The following GLMN variants were observed in gnomAD, a reference collection of about 807,000 sequenced individuals.
GLMN encodes glomulin.
Under a neutral mutation model 87.8 loss-of-function variants are expected in GLMN, and 75 were observed. The ratio of observed to expected loss-of-function variants is 0.85; its 90% CI spans 0.71 to 1.04. The LOEUF (loss-of-function observed/expected upper bound fraction) is 1.04. GLMN is among the 50% of genes least tolerant of loss of function. The pLI, the probability that GLMN is intolerant of heterozygous loss-of-function variation, is 0.00. For missense variants in GLMN, 588 were observed against 658.8 expected, an observed-to-expected ratio of 0.89 and a Z score of 1.18; for synonymous variants, 206 against 221.6, an observed-to-expected ratio of 0.93 and a Z score of 0.63.
chr1:92,322,722 C>T, the GLMN span, among the ~76,000 whole-genome samples: 1 of 151,216 alleles, frequency 6.6e-6, no homozygotes, highest in African/African-American at 2.4e-5. Context: ...TAAAAAAATA[C>T]AAAAATTAGC....
the GLMN span, among the ~76,000 whole-genome samples, chr1:92,324,714 G>C: frequency 1.3e-5 from 2 of 152,132 alleles, no homozygotes; most frequent in South Asian, 2.1e-4. Flanking sequence ...TATTCTTTCA[G>C]ATTTTTACAT....
intron 16 of GLMN, among the ~76,000 whole-genome samples, chr1:92,256,883 T>C (rs1654344376): frequency 6.6e-6 from 1 of 151,308 alleles, no homozygotes. Context: ...CTATTCAACA[T>C]AGTATTGGAA....
chr1:92,287,565 T>C (rs1648918594), intron 6 of GLMN, among the ~76,000 whole-genome samples: 1 of 152,054 alleles, frequency 6.6e-6, no homozygotes. Context: ...GGTCTCAAAC[T>C]CCTGAGCTCA....
chr1:92,247,343 G>A (rs1652824273), intron 17 of GLMN, among the ~76,000 whole-genome samples, 199 bp from the exon 18 acceptor site: 3 of 152,092 alleles, frequency 2.0e-5, no homozygotes, highest in Admixed American at 2.0e-4. Flanking sequence ...GTAAATTAAT[G>A]CTTCTTTAGA....
At chr1:92,267,762 T>G in intron 11 of GLMN, 151 bp downstream of exon 11, 1 of 638,602 alleles carries the variant, frequency 1.6e-6, no homozygotes, top group East Asian at 2.7e-5. Flanking sequence ...GCTAGTGGCT[T>G]TCATATTGTC....
At chr1:92,296,828 A>G (rs1650126010) in intron 3 of GLMN, among the ~76,000 whole-genome samples, 1 of 152,216 alleles carries the variant, frequency 6.6e-6, no homozygotes, top group Non-Finnish European at 1.5e-5. Context: ...ATGCACATAA[A>G]ATACTGTTTT....
chr1:92,318,545 G>A, the GLMN span, among the ~76,000 whole-genome samples: 5 of 151,006 alleles, frequency 3.3e-5, no homozygotes, highest in African/African-American at 1.2e-4. Flanking sequence ...ACTTTGAATC[G>A]ACCACCAACC....
the GLMN span, among the ~76,000 whole-genome samples, chr1:92,351,519 G>T: frequency 7.9e-5 from 12 of 152,056 alleles, no homozygotes; most frequent in African/African-American, 2.9e-4. Flanking sequence ...ATTTTGAGAA[G>T]ATTTTCTAGC....
At chr1:92,281,722 C>A (rs1022337953) in intron 7 of GLMN, among the ~76,000 whole-genome samples, 1 of 151,894 alleles carries the variant, frequency 6.6e-6, no homozygotes, top group African/African-American at 2.4e-5. Flanking sequence ...ATTCAGGAGA[C>A]CCATCTCACA....
chr1:92,260,171 T>C (rs1471146411), intron 16 of GLMN, among the ~76,000 whole-genome samples: 2 of 152,232 alleles, frequency 1.3e-5, no homozygotes, highest in Non-Finnish European at 2.9e-5. Context: ...GTTTTCAAGA[T>C]AGACAGGCTT....
chr1:92,265,290 T>C (rs779384028), intron 13 of GLMN, among the ~76,000 whole-genome samples: 2 of 150,212 alleles, frequency 1.3e-5, no homozygotes, highest in Non-Finnish European at 2.9e-5. Flanking sequence ...TTATTTCCTG[T>C]GAAAGTAGTC....
the GLMN span, among the ~76,000 whole-genome samples, chr1:92,360,367 T>C: frequency 1.3e-5 from 2 of 152,214 alleles, no homozygotes; most frequent in Admixed American, 6.5e-5. Flanking sequence ...AAGGCTGCTA[T>C]AGTATTACAT....
chr1:92,365,367 A>G, the GLMN span, among the ~76,000 whole-genome samples: 1 of 149,840 alleles, frequency 6.7e-6, no homozygotes, highest in African/African-American at 2.5e-5. Context: ...AATACTGGCT[A>G]TACATTAGAA....
rs948098319 is a variant in GLMN, at chr1:92,266,451, C to G, written c.1182G>C (p.Lys394Asn). The stretch of plus-strand genomic sequence containing the variant: ...ATGTATATTTGCCTTGTGAATCCAA[C>G]TTGTTAATATACAGCTGAAGCATAG... ...SLAMLQLYIN[K>N]LDSQGKYTLF... The change falls in exon 13 of 19, where the codon AAG becomes AAC. Residue 394 changes from lysine (K) to asparagine (N), a missense_variant. Coordinates refer to ENST00000370360, the MANE Select transcript of GLMN (RefSeq NM_053274.3). 6.4e-7 allele frequency: 1 copy of G among 1,572,900 alleles called. No homozygotes were observed. Among genetic ancestry groups the G allele is most frequent in the Non-Finnish European group, 8.7e-7 (1 of 1,143,260 alleles).
At chr1:92,277,433 G>A (rs1647416431) in intron 7 of GLMN, among the ~76,000 whole-genome samples, 1 of 151,430 alleles carries the variant, frequency 6.6e-6, no homozygotes, top group Non-Finnish European at 1.5e-5. Context: ...AAAGTGATAA[G>A]TGTCTTTATG....
intron 16 of GLMN, among the ~76,000 whole-genome samples, chr1:92,260,765 G>GA (rs765865353): frequency 0.55 from 55,053 of 99,884 alleles, 15,849 homozygotes; most frequent in African/African-American, 0.66. Flanking sequence ...CTTTGAGATG[G>GA]AAAAAAAAAA....
chr1:92,277,006 C>T (rs1647372009), intron 7 of GLMN, among the ~76,000 whole-genome samples: 1 of 152,050 alleles, frequency 6.6e-6, no homozygotes, highest in South Asian at 2.1e-4. Flanking sequence ...AGTATTGGCA[C>T]CTTCATCTGC....
chr1:92,316,108 A>C, the GLMN span, among the ~76,000 whole-genome samples: 1 of 152,214 alleles, frequency 6.6e-6, no homozygotes, highest in Non-Finnish European at 1.5e-5. Flanking sequence ...AAAATCTTAA[A>C]TCTAAGAAGG....
the GLMN span, chr1:92,333,560 A>AT: frequency 1.2e-6 from 1 of 829,908 alleles, no homozygotes; most frequent in Non-Finnish European, 2.0e-6. Context: ...TTATCCTCAG[A>AT]TTTTGAACAT....
Sources: allele counts gnomAD v4.1 joint callset (sites outside exome capture counted in the v4.1 genomes callset), GRCh38; gene constraint gnomAD v4.1.1; transcripts MANE v1.5; gene names NCBI Gene and HGNC (gene_info 2026-07-23, HGNC 2026-07-21).